U2SURP: variants seen among roughly 807,000 people sequenced by gnomAD.
The protein encoded by U2SURP is U2 snRNP associated SURP domain containing, also known as U2 snRNP-associated SURP motif-containing protein.
In U2SURP, 9 loss-of-function variants were observed where a neutral mutation model predicts 144.9. The ratio of observed to expected loss-of-function variants is 0.06; its 90% CI spans 0.04 to 0.11. U2SURP has a LOEUF of 0.11. Ranked by LOEUF, U2SURP falls within the 10% of genes least tolerant of loss-of-function variation. The pLI is 1.00. For missense variants in U2SURP, 724 were observed against 1,226.7 expected, an observed-to-expected ratio of 0.59 and a Z score of 6.12; for synonymous variants, 408 against 396.8, an observed-to-expected ratio of 1.03 and a Z score of -0.33.
At chr3:143,012,126 T>G (rs1374235858) in intron 2 of U2SURP, 96 bp from the exon 3 acceptor site, 1 of 1,419,680 alleles carries the variant, frequency 7.0e-7, no homozygotes, top group South Asian at 1.3e-5. Context: ...TACAATGAAA[T>G]TTGTCAATAT....
Position 143,029,095 on chromosome 3 carries a change from G to C in U2SURP, c.1610+449G>C, listed in dbSNP as rs145151736. Among the ~76,000 whole-genome samples, 595 of 152,334 alleles carry C rather than the reference G, an allele frequency of 3.9e-3. 11 individuals are homozygous for C. The South Asian group carries it at 0.047, about 12-fold the overall frequency. ...GAGCTGTGAGATGGCCACCATGGAA[G>C]TATGTGTTGTTATTAGTCTCACTTA... On this transcript the variant is annotated intron_variant, in intron 16 of 27. Transcript: ENST00000473835.
intron 18 of U2SURP, chr3:143,034,402 CA>C (rs68041647): frequency 0.14 from 19,775 of 143,206 alleles, 3,449 homozygotes; most frequent in African/African-American, 0.41. Context: ...AACTCCATCT[CA>C]AAAAAAAAAA....
chr3:143,020,154 A>G (rs753352878), intron 7 of U2SURP, 118 bp downstream of exon 7: 78 of 565,854 alleles, frequency 1.4e-4, no homozygotes, highest in Non-Finnish European at 3.4e-5. Flanking sequence ...TTGCTATGAG[A>G]TTGTTTTAGA....
At chr3:143,025,587 A>G (rs1933097226) in intron 13 of U2SURP, among the ~76,000 whole-genome samples, 1 of 152,204 alleles carries the variant, frequency 6.6e-6, no homozygotes. Flanking sequence ...TTCCTTCAAA[A>G]TAATGTCATT....
intron 13 of U2SURP, chr3:143,024,380 TTTTTC>T: frequency 2.7e-6 from 1 of 368,562 alleles, no homozygotes. Context: ...TGTTGTTATT[TTTTTC>T]TTGTTTTCTG....
chr3:143,035,022 G>C, intron 19 of U2SURP, 47 bp downstream of exon 19: 1 of 314,946 alleles, frequency 3.2e-6, no homozygotes, highest in Non-Finnish European at 6.4e-6. Flanking sequence ...TTAAATGGGT[G>C]GGGGGAGGGC....
intron 23 of U2SURP, 81 bp from the exon 24 acceptor site, chr3:143,043,036 T>C (rs1358938627): frequency 1.2e-5 from 16 of 1,340,162 alleles, no homozygotes; most frequent in Non-Finnish European, 1.6e-5. Context: ...TCTAAGACAA[T>C]GAAAAATAAA....
At chr3:143,004,327 A>G (rs978313346) in intron 1 of U2SURP, among the ~76,000 whole-genome samples, 1 of 149,144 alleles carries the variant, frequency 6.7e-6, no homozygotes, top group Admixed American at 6.7e-5. Flanking sequence ...AAATTAGATA[A>G]CCTCTACAGG....
In U2SURP at chr3:143,050,353, G is replaced by A. The variant is rs563121866; in HGVS notation, c.2545-586G>A. Among the ~76,000 whole-genome samples, 62 of 152,310 alleles carry A rather than the reference G, an allele frequency of 4.1e-4. 1 individual carries two copies. The South Asian group carries it at 0.011, about 27-fold the overall frequency. On this transcript the variant is annotated intron_variant, in intron 24 of 27. Coordinates refer to ENST00000473835, the MANE Select transcript of U2SURP (RefSeq NM_001080415.2). ...CTCCCAAAGTGCTGGGATTACAGGC[G>A]TGAGCCACTGCGCCCGGCCTGGTCT...
chr3:143,036,629 G>C (rs183919787), intron 20 of U2SURP, among the ~76,000 whole-genome samples: 1 of 151,936 alleles, frequency 6.6e-6, no homozygotes, highest in Non-Finnish European at 1.5e-5. Flanking sequence ...TGCAACCCAC[G>C]TGGTCCTTGT....
intron 6 of U2SURP, among the ~76,000 whole-genome samples, chr3:143,018,087 A>G (rs978869581): frequency 1.3e-5 from 2 of 152,174 alleles, no homozygotes; most frequent in Admixed American, 1.3e-4. Flanking sequence ...AATAAAGTGT[A>G]CAATTGAGTG....
intron 18 of U2SURP, among the ~76,000 whole-genome samples, chr3:143,033,835 C>G (rs1053547205): frequency 7.2e-5 from 11 of 152,200 alleles, no homozygotes; most frequent in African/African-American, 2.6e-4. Flanking sequence ...TTGGCTTACA[C>G]TTAAGCTAAA....
intron 17 of U2SURP, 110 bp downstream of exon 17, chr3:143,033,056 CT>C: frequency 8.0e-7 from 1 of 1,249,972 alleles, no homozygotes; most frequent in Non-Finnish European, 1.1e-6. Flanking sequence ...CCCATGCAGT[CT>C]TATGTTATTT....
chr3:143,003,314 C>T (rs1027925138), intron 1 of U2SURP, among the ~76,000 whole-genome samples: 1 of 152,150 alleles, frequency 6.6e-6, no homozygotes, highest in African/African-American at 2.4e-5. Context: ...AATTTGGAGG[C>T]TGCATAATGT....
intron 27 of U2SURP, among the ~76,000 whole-genome samples, chr3:143,055,637 TC>T (rs1374791570): frequency 6.6e-6 from 1 of 152,202 alleles, no homozygotes; most frequent in Non-Finnish European, 1.5e-5. Flanking sequence ...AGAGGAATTT[TC>T]CTGAGAGCTA....
chr3:143,021,549 T>C lies in U2SURP; in HGVS notation c.846T>C (p.Asn282=). The C allele has an allele frequency of 1.9e-6, 3 of 1,612,528 alleles. No homozygotes were observed. Among genetic ancestry groups the C allele is most frequent in the Non-Finnish European group, 2.5e-6 (3 of 1,178,992 alleles). Residue 282 remains asparagine, a synonymous_variant, in exon 10 of 28, where the codon AAT becomes AAC. Coordinates refer to ENST00000473835, the MANE Select transcript of U2SURP (RefSeq NM_001080415.2). ...STTNLYLGNI[N]PQMNEEMLCQ... Reference sequence around the variant, plus strand: ...CTAATTTATACCTTGGAAACATTAATCCACAGGTAATATTAAGTAAGATGA... The same window carrying C: ...CTAATTTATACCTTGGAAACATTAACCCACAGGTAATATTAAGTAAGATGA...
At chr3:143,012,374 G>T (rs1052357289) in intron 3 of U2SURP, 21 bp downstream of exon 3, 1 of 1,582,078 alleles carries the variant, frequency 6.3e-7, no homozygotes, top group African/African-American at 1.4e-5. Flanking sequence ...ATAAGATAAG[G>T]TAAAGATAAG....
In U2SURP at chr3:143,013,297, G is replaced by A. The variant is rs139801156; in HGVS notation, c.222+944G>A. On this transcript the variant is annotated intron_variant, in intron 3 of 27. Coordinates refer to ENST00000473835, the MANE Select transcript of U2SURP (RefSeq NM_001080415.2). ...CAAAGAGACTGAATGATGGCAAAAC[G>A]ATTTTCTTTCTATTTTGAGAAAATT... Among the ~76,000 whole-genome samples the A allele has an allele frequency of 3.1e-3, 466 of 152,070 alleles. 6 individuals are homozygous for A. The highest frequency in any genetic ancestry group is 0.011 in the African/African-American group (441 of 41,524).
At chr3:143,011,162 G>A (rs1296883993) in intron 2 of U2SURP, among the ~76,000 whole-genome samples, 1 of 152,082 alleles carries the variant, frequency 6.6e-6, no homozygotes, top group Non-Finnish European at 1.5e-5. Context: ...TTATGCATAT[G>A]CCTTTCTCAC....
Sources: gnomAD v4.1 joint callset for allele counts (sites outside exome capture counted in the v4.1 genomes callset) on GRCh38, gnomAD v4.1.1 for gene constraint, MANE v1.5 for transcripts, NCBI Gene and HGNC (gene_info 2026-07-23, HGNC 2026-07-21) for gene names.